Variants in ANKFN1 observed in about 807,000 individuals in gnomAD.
The protein encoded by ANKFN1 is ankyrin repeat and fibronectin type III domain containing 1, also known as ankyrin repeat and fibronectin type-III domain-containing protein 1.
A neutral mutation model predicts 108.7 loss-of-function variants in ANKFN1; 74 were observed. The observed-to-expected ratio is 0.68, with a 90% confidence interval of 0.56 to 0.83. ANKFN1 has a LOEUF of 0.83. Among genes scored for constraint, ANKFN1 ranks in the 40% least tolerant of loss-of-function variants. The pLI, the probability that ANKFN1 is intolerant of heterozygous loss-of-function variation, is 0.00. For missense variants in ANKFN1, 1,505 were observed against 1,382.3 expected (o/e 1.09, Z -1.41); for synonymous variants, 547 against 516.2 (o/e 1.06, Z -0.81).
rs115871616 is a variant in ANKFN1, at chr17:56,318,861, T to C, written c.54-7360T>C. On this transcript the variant is annotated intron_variant, in intron 3 of 20. Coordinates refer to ENST00000682825, the MANE Select transcript of ANKFN1 (RefSeq NM_001370326.1). ...ATGATCTGTTCCCAAGTATCTCAAA[T>C]GAAAATGGAGAAGATAGCATAAAGA... 5.5e-3 allele frequency among the ~76,000 whole-genome samples: 833 copies of C among 151,740 alleles called. 12 individuals carry two copies. Among genetic ancestry groups the C allele is most frequent in the African/African-American group, 0.019 (799 of 41,546 alleles).
chr17:56,195,700 G>T (rs1015750257), intron 1 of ANKFN1, among the ~76,000 whole-genome samples: 1 of 152,226 alleles, frequency 6.6e-6, no homozygotes, highest in African/African-American at 2.4e-5. Context: ...ACAGCAGCCA[G>T]ACTGAGGGCA....
intron 3 of ANKFN1, among the ~76,000 whole-genome samples, chr17:56,231,795 G>A (rs1322058930): frequency 2.6e-5 from 4 of 152,054 alleles, no homozygotes; most frequent in East Asian, 1.9e-4. Flanking sequence ...TGATTTTACT[G>A]TGTGTGTGTT....
At chr17:56,113,208 G>T (rs1346571004) in intron 4 of ANKFN1, among the ~76,000 whole-genome samples, 1 of 152,140 alleles carries the variant, frequency 6.6e-6, no homozygotes, top group Non-Finnish European at 1.5e-5. Context: ...TGCCAATGCT[G>T]ATTTCCGCTG....
chr17:56,181,618 C>T (rs1911684387), intron 1 of ANKFN1, among the ~76,000 whole-genome samples: 1 of 152,200 alleles, frequency 6.6e-6, no homozygotes, highest in Admixed American at 6.5e-5. Flanking sequence ...GTGCAACTTC[C>T]AGTGATCAGA....
Position 56,322,991 on chromosome 17 carries a change from T to C in ANKFN1, c.54-3230T>C, listed in dbSNP as rs147716244. Among the ~76,000 whole-genome samples the C allele has an allele frequency of 3.6e-3, 543 of 152,314 alleles. 2 individuals carry two copies. The highest frequency in any genetic ancestry group is 0.012 in the African/African-American group (507 of 41,568). ...TTCTTTCTTAATTTTACTGAGCACTTACTAGGGCTGGAGGTGTAGTGGCTG... is the reference window on the plus strand; with the variant it reads ...TTCTTTCTTAATTTTACTGAGCACTCACTAGGGCTGGAGGTGTAGTGGCTG... On this transcript the variant is annotated intron_variant, in intron 3 of 20. Coordinates refer to ENST00000682825, the MANE Select transcript of ANKFN1 (RefSeq NM_001370326.1).
intron 6 of ANKFN1, among the ~76,000 whole-genome samples, chr17:56,367,366 C>T (rs563244519): frequency 2.0e-5 from 3 of 152,032 alleles, no homozygotes; most frequent in East Asian, 1.9e-4. Context: ...AAGAAAATCC[C>T]TTCAGTCCCT....
intron 4 of ANKFN1, among the ~76,000 whole-genome samples, chr17:56,065,883 G>GT (rs990659416): frequency 2.0e-5 from 3 of 152,214 alleles, no homozygotes; most frequent in African/African-American, 7.2e-5. Context: ...AGCACATGCT[G>GT]TTTAAAAAAT....
intron 1 of ANKFN1, among the ~76,000 whole-genome samples, chr17:56,159,561 A>C (rs904571881): frequency 1.4e-4 from 22 of 152,226 alleles, no homozygotes; most frequent in African/African-American, 5.3e-4. Context: ...AGATGTTGAC[A>C]AGTAATAACT....
rs963470090 is a variant in ANKFN1, at chr17:56,442,777, A to G, written c.1009-66A>G. The G allele has an allele frequency of 6.3e-5, 88 of 1,404,738 alleles. No homozygotes were observed. The Admixed American group carries it at 1.3e-3, about 20-fold the overall frequency. 87.0% of individuals were successfully genotyped at this position (1,404,738 alleles called of 1,614,324 possible). ...ATCACACATAGTTATTAAATTCTAT[A>G]CCCATAGAGTCTAGGGTAAAAATGA... On this transcript the variant is annotated intron_variant, in intron 9 of 20. Transcript: ENST00000682825.
chr17:56,437,898 G>A, intron 8 of ANKFN1, among the ~76,000 whole-genome samples: 1 of 151,388 alleles, frequency 6.6e-6, no homozygotes, highest in Non-Finnish European at 1.5e-5. Flanking sequence ...GAGTTTCAAG[G>A]GGCAAGAAAC....
chr17:56,103,597 A>T (rs1905689399), intron 4 of ANKFN1, among the ~76,000 whole-genome samples: 1 of 152,096 alleles, frequency 6.6e-6, no homozygotes, highest in Admixed American at 6.5e-5. Context: ...TCTTTTCCTG[A>T]ACTGCCCAGC....
intron 2 of ANKFN1, among the ~76,000 whole-genome samples, chr17:56,227,091 T>TA (rs989050971): frequency 6.6e-5 from 10 of 152,162 alleles, no homozygotes; most frequent in Non-Finnish European, 1.3e-4. Context: ...TGCTTAGTCT[T>TA]AGAGATGATC....
chr17:56,390,129 A>G (rs2047385073), intron 8 of ANKFN1, among the ~76,000 whole-genome samples: 1 of 151,918 alleles, frequency 6.6e-6, no homozygotes, highest in Non-Finnish European at 1.5e-5. Flanking sequence ...TGCTGCACCT[A>G]TCAGCCCATC....
At chr17:56,453,138 C>T (rs1174569107) in intron 11 of ANKFN1, among the ~76,000 whole-genome samples, 2 of 152,022 alleles carry the variant, frequency 1.3e-5, no homozygotes, top group East Asian at 1.9e-4. Context: ...GTAACGTGCT[C>T]ATATTTCTAA....
intron 2 of ANKFN1, among the ~76,000 whole-genome samples, chr17:56,218,645 A>G (rs1157575908): frequency 6.6e-6 from 1 of 152,128 alleles, no homozygotes; most frequent in Non-Finnish European, 1.5e-5. Flanking sequence ...TGCCATGAAC[A>G]TCACTGCTCT....
At chr17:56,291,131 T>C (rs2044352484) in intron 3 of ANKFN1, among the ~76,000 whole-genome samples, 1 of 152,294 alleles carries the variant, frequency 6.6e-6, no homozygotes, top group African/African-American at 2.4e-5. Flanking sequence ...GATAGACCCC[T>C]GTGGAAGCTG....
In ANKFN1 at chr17:56,514,256, C is replaced by G. The variant is rs993851096; in HGVS notation, c.*2987C>G. Reference sequence around the variant, plus strand: ...GTTCTCCCATATGTCTATCTCAATTCTAAGTCCCATTGAGATCCAAAGAAT... The same window carrying G: ...GTTCTCCCATATGTCTATCTCAATTGTAAGTCCCATTGAGATCCAAAGAAT... On this transcript the variant is annotated 3_prime_UTR_variant, in exon 21 of 21. Coordinates refer to ENST00000682825, the MANE Select transcript of ANKFN1 (RefSeq NM_001370326.1). Among the ~76,000 whole-genome samples, 1 of 152,146 alleles carries G rather than the reference C, an allele frequency of 6.6e-6. No individual in the cohort carries two copies. Among genetic ancestry groups the G allele is most frequent in the African/African-American group, 2.4e-5 (1 of 41,414 alleles).
intron 3 of ANKFN1, among the ~76,000 whole-genome samples, chr17:56,294,827 A>G (rs2044462361): frequency 1.3e-5 from 2 of 152,244 alleles, no homozygotes; most frequent in African/African-American, 4.8e-5. Flanking sequence ...TTCCAGAATC[A>G]ATGCATACAG....
At chr17:56,239,661 T>G (rs548506033) in intron 3 of ANKFN1, among the ~76,000 whole-genome samples, 1 of 152,258 alleles carries the variant, frequency 6.6e-6, no homozygotes, top group South Asian at 2.1e-4. Context: ...TGTCCCAAAA[T>G]GGCAGCTACA....
Sources: gnomAD v4.1 joint callset for allele counts (sites outside exome capture counted in the v4.1 genomes callset) on GRCh38, gnomAD v4.1.1 for gene constraint, MANE v1.5 for transcripts, NCBI Gene and HGNC (gene_info 2026-07-23, HGNC 2026-07-21) for gene names.